Variants in DYM observed in about 807,000 individuals in gnomAD.
DYM encodes dymeclin, also known as dyggve-Melchior-Clausen syndrome protein.
DYM carries 78 observed loss-of-function variants against 93.1 expected under a neutral mutation model. The ratio of observed to expected loss-of-function variants is 0.84; its 90% CI spans 0.70 to 1.01. DYM has a LOEUF of 1.01. Among genes scored for constraint, DYM ranks in the 50% least tolerant of loss-of-function variants. The pLI, the probability that DYM is intolerant of heterozygous loss-of-function variation, is 0.00. For synonymous variants in DYM, 321 were observed against 319.7 expected (o/e 1.00, Z -0.04); for missense variants, 789 against 845.0 (o/e 0.93, Z 0.82).
chr18:49,177,836 A>G (rs917338708), intron 14 of DYM, among the ~76,000 whole-genome samples: 12 of 152,044 alleles, frequency 7.9e-5, no homozygotes, highest in East Asian at 1.9e-4. Flanking sequence ...GTATATACCA[A>G]TGGTTTCAGT....
At chr18:49,081,120 G>A (rs1016733371) in intron 17 of DYM, among the ~76,000 whole-genome samples, 1 of 151,136 alleles carries the variant, frequency 6.6e-6, no homozygotes, top group Non-Finnish European at 1.5e-5. Context: ...GGCAGAGGCT[G>A]CAATCTCGGC....
intron 2 of DYM, among the ~76,000 whole-genome samples, chr18:49,409,504 C>T (rs968666196): frequency 1.3e-5 from 2 of 152,056 alleles, no homozygotes; most frequent in Non-Finnish European, 2.9e-5. Flanking sequence ...AGGGGAGACC[C>T]CACCACAGCT....
intron 13 of DYM, among the ~76,000 whole-genome samples, chr18:49,248,611 G>T (rs1598890965): frequency 6.6e-6 from 1 of 151,490 alleles, no homozygotes; most frequent in African/African-American, 2.4e-5. Flanking sequence ...ATAATATGAG[G>T]TTGAAATAAA....
chr18:49,421,130 G>A (rs1456951220), intron 2 of DYM, among the ~76,000 whole-genome samples: 1 of 152,192 alleles, frequency 6.6e-6, no homozygotes, highest in African/African-American at 2.4e-5. Context: ...GTCCATGTCT[G>A]ACAGCTTTGA....
chr18:49,453,751 A>C (rs1369478247), intron 1 of DYM, among the ~76,000 whole-genome samples: 1 of 152,192 alleles, frequency 6.6e-6, no homozygotes, highest in Non-Finnish European at 1.5e-5. Context: ...GAAGCACGAA[A>C]GTTTTACTAA....
intron 17 of DYM, among the ~76,000 whole-genome samples, chr18:49,057,417 G>A (rs1228553742): frequency 6.6e-6 from 1 of 152,250 alleles, no homozygotes; most frequent in East Asian, 1.9e-4. Flanking sequence ...CATGCACAGT[G>A]TTTCCCAGGC....
At chr18:49,378,909 A>G (rs1353465835) in intron 4 of DYM, among the ~76,000 whole-genome samples, 2 of 152,148 alleles carry the variant, frequency 1.3e-5, no homozygotes, top group African/African-American at 2.4e-5. Context: ...CATGTACTTT[A>G]CATAGTGAAT....
In DYM at chr18:49,333,871, CAG is replaced by C. The variant is rs1568269797; in HGVS notation, c.495-20_495-19del. 7.5e-6 allele frequency: 12 copies of C among 1,598,898 alleles called. No homozygotes were observed. Among genetic ancestry groups the C allele is most frequent in the Admixed American group, 6.7e-5 (4 of 59,938 alleles). Reference sequence around the variant, plus strand: ...TAATATCTCTAAAATGGAAGAAAAACAGAGTAACAGTCACTTTGGAAGATTAA... The same window carrying C: ...TAATATCTCTAAAATGGAAGAAAAACAGTAACAGTCACTTTGGAAGATTAA... On this transcript the variant is annotated intron_variant, in intron 6 of 17. Coordinates refer to ENST00000675505, the MANE Select transcript of DYM (RefSeq NM_001353214.3).
At chr18:49,321,375 A>T (rs1042208825) in intron 8 of DYM, 10 of 398,106 alleles carry the variant, frequency 2.5e-5, no homozygotes, top group Non-Finnish European at 4.4e-5. Flanking sequence ...CTTCCCTTCA[A>T]ATCTGTTAAC....
intron 8 of DYM, among the ~76,000 whole-genome samples, chr18:49,300,589 A>G (rs920831937): frequency 6.6e-6 from 1 of 152,108 alleles, no homozygotes; most frequent in Non-Finnish European, 1.5e-5. Flanking sequence ...CAATAGAGCA[A>G]GACTCAGTCT....
At chr18:49,163,833 C>A (rs1359291328) in intron 14 of DYM, 46 bp from the exon 15 acceptor site, 3 of 1,224,360 alleles carry the variant, frequency 2.5e-6, no homozygotes, top group East Asian at 2.5e-5. Flanking sequence ...GAACTGTTTT[C>A]TTTTCTGTCT....
rs200137962 is a variant in DYM at position 49,145,547 on chromosome 18, G to GAAATT, written c.1728+18137_1728+18138insAATTT. Among the ~76,000 whole-genome samples, 1,226 of 152,066 alleles carry GAAATT rather than the reference G, an allele frequency of 8.1e-3. 13 individuals carry two copies. Among genetic ancestry groups the GAAATT allele is most frequent in the Middle Eastern group, 0.071 (21 of 294 alleles). On this transcript the variant is annotated intron_variant, in intron 15 of 17. Coordinates refer to ENST00000675505, the MANE Select transcript of DYM (RefSeq NM_001353214.3). ...ACCCAATTTCTTCACTTTCTTTATA[G>GAAATT]GTAACTGTTTAACAATTTTTTCTAT...
intron 13 of DYM, 77 bp from the exon 14 acceptor site, chr18:49,209,792 C>T (rs1207906187): frequency 1.1e-5 from 11 of 1,011,654 alleles, no homozygotes; most frequent in Non-Finnish European, 1.4e-5. Flanking sequence ...TTTTTATGTC[C>T]TCAAAGCTTT....
chr18:49,203,688 C>G lies in DYM; in HGVS notation c.1625+5863G>C, dbSNP rs1314569375. ...TTAAGAGTCATCACCAATCCCTAAT[C>G]TCAAGTAATCAGGGACACAAACACT... On this transcript the variant is annotated intron_variant, in intron 14 of 17. Transcript: ENST00000675505. Among the ~76,000 whole-genome samples, 5 of 141,158 alleles carry G rather than the reference C, an allele frequency of 3.5e-5. No homozygotes were observed. The Admixed American group carries it at 3.5e-4, about 10-fold the overall frequency. 92.6% of individuals were successfully genotyped at this position (141,158 alleles called of 152,430 possible). A position where few individuals can be genotyped will look rare whatever the true frequency, so the allele number is the denominator to read the frequency against.
At chr18:49,080,954 G>C (rs2077936489) in intron 17 of DYM, among the ~76,000 whole-genome samples, 1 of 150,736 alleles carries the variant, frequency 6.6e-6, no homozygotes, top group African/African-American at 2.5e-5. Context: ...ATGGCTGCGG[G>C]GAAGAGGTGC....
In DYM at chr18:49,156,710, C is replaced by T. The variant is rs1008644393; in HGVS notation, c.1728+6975G>A. ...TCATGCCACTGTGCTCCAGCCTGGG[C>T]GACAGAGTGAAAACGCTGTCTCAAA... On this transcript the variant is annotated intron_variant, in intron 15 of 17. Coordinates refer to ENST00000675505, the MANE Select transcript of DYM (RefSeq NM_001353214.3). 6.9e-5 allele frequency among the ~76,000 whole-genome samples: 9 copies of T among 131,260 alleles called. No homozygotes were observed. In the East Asian group the frequency reaches 1.1e-3, roughly 16 times the overall value. The allele number at this position is 131,260 out of a possible 152,430, so 86.1% of individuals were successfully genotyped here. A position where few individuals can be genotyped will look rare whatever the true frequency, so the allele number is the denominator to read the frequency against.
chr18:49,222,991 G>A (rs1366320940), intron 13 of DYM, among the ~76,000 whole-genome samples: 8 of 152,128 alleles, frequency 5.3e-5, no homozygotes, highest in Non-Finnish European at 8.8e-5. Flanking sequence ...AGGATAACTA[G>A]ACATTATGTA....
At chr18:49,384,961 T>C (rs1278567186) in intron 3 of DYM, among the ~76,000 whole-genome samples, 2 of 149,326 alleles carry the variant, frequency 1.3e-5, no homozygotes, top group African/African-American at 2.5e-5. Flanking sequence ...AAGATCTTCG[T>C]ACACCAATCA....
At chr18:49,281,260 C>T (rs1026316244) in intron 10 of DYM, among the ~76,000 whole-genome samples, 2 of 152,240 alleles carry the variant, frequency 1.3e-5, no homozygotes, top group Admixed American at 1.3e-4. Flanking sequence ...GAGATACCAT[C>T]TCACACCAGT....
Sources: gnomAD v4.1 joint callset for allele counts (sites outside exome capture counted in the v4.1 genomes callset) on GRCh38, gnomAD v4.1.1 for gene constraint, MANE v1.5 for transcripts, NCBI Gene and HGNC (gene_info 2026-07-23, HGNC 2026-07-21) for gene names.